The following GYS2 variants were observed in gnomAD, a reference collection of about 807,000 sequenced individuals.
The protein encoded by GYS2 is glycogen synthase 2.
In GYS2, 80 loss-of-function variants were observed where a neutral mutation model predicts 85.6. The observed-to-expected ratio is 0.93, with a 90% CI of 0.78 to 1.13. The LOEUF is 1.13. Among genes scored for constraint, GYS2 ranks in the 50% most tolerant of loss-of-function variants. The probability of loss-of-function intolerance (pLI) is 0.00; values close to 1 mark genes in which losing one functional copy is unlikely to be tolerated. For missense variants in GYS2, 881 were observed against 854.9 expected (o/e 1.03, Z -0.38); for synonymous variants, 328 against 300.7 (o/e 1.09, Z -0.94).
intron 1 of GYS2, among the ~76,000 whole-genome samples, chr12:21,583,631 T>C (rs986720103): frequency 7.2e-5 from 11 of 152,204 alleles, no homozygotes; most frequent in Non-Finnish European, 1.5e-4. Context: ...CTCTAGGATT[T>C]TGGAGCAAGG....
chr12:21,570,333 T>C (rs1944371319), intron 4 of GYS2, among the ~76,000 whole-genome samples: 1 of 152,162 alleles, frequency 6.6e-6, no homozygotes, highest in South Asian at 2.1e-4. Context: ...TTAAGAAACT[T>C]ATAAATTAAT....
intron 10 of GYS2, 57 bp downstream of exon 10, chr12:21,559,034 C>T (rs1267840835): frequency 1.0e-6 from 1 of 992,704 alleles, no homozygotes; most frequent in Non-Finnish European, 1.6e-6. Flanking sequence ...AATTAAAATA[C>T]TGATTAGATA....
intron 13 of GYS2, among the ~76,000 whole-genome samples, chr12:21,541,974 C>G (rs1291932121): frequency 1.3e-5 from 2 of 152,080 alleles, no homozygotes; most frequent in African/African-American, 4.8e-5. Flanking sequence ...TATCTGTTCC[C>G]GCATTAATTC....
chr12:21,564,323 G>A (rs7398745), intron 5 of GYS2, among the ~76,000 whole-genome samples: 26,580 of 152,028 alleles, frequency 0.17, 2,898 homozygotes, highest in East Asian at 0.28. Context: ...CCCAGCTACT[G>A]GGGAGGCTGA....
chr12:21,539,140 T>G lies in GYS2; in HGVS notation c.1890+118A>C. On this transcript the variant is annotated intron_variant, in intron 15 of 15. Coordinates refer to ENST00000261195, the MANE Select transcript of GYS2 (RefSeq NM_021957.4). ...TTCCTCTCTCTCTCCTTTGGTTTGA[T>G]TCAACATTATGAAAAAGTATCATAG... 5.8e-6 allele frequency: 4 copies of G among 690,336 alleles called. 1 individual carries two copies. In the South Asian group the frequency reaches 6.8e-5, roughly 12 times the overall value. The allele number at this position is 690,336 out of a possible 1,614,324, so 42.8% of individuals were successfully genotyped here.
At chr12:21,580,636 C>T (rs576263981) in intron 1 of GYS2, 113 bp from the exon 2 acceptor site, 1 of 814,970 alleles carries the variant, frequency 1.2e-6, no homozygotes, top group South Asian at 1.4e-5. Context: ...CCACTAAGCC[C>T]AAGGATTTAT....
At chr12:21,565,636 A>T (rs1403144885) in intron 5 of GYS2, among the ~76,000 whole-genome samples, 1 of 150,870 alleles carries the variant, frequency 6.6e-6, no homozygotes, top group African/African-American at 2.4e-5. Flanking sequence ...ATATAAATAC[A>T]TGTATTATTA....
intron 1 of GYS2, among the ~76,000 whole-genome samples, chr12:21,584,406 G>A (rs1944550264): frequency 1.8e-5 from 1 of 55,080 alleles, no homozygotes; most frequent in Admixed American, 1.4e-4. Context: ...AGCAGAAGAG[G>A]ATTTTAATAA....
chr12:21,564,049 A>C (rs1248226864), intron 5 of GYS2, among the ~76,000 whole-genome samples: 1 of 152,224 alleles, frequency 6.6e-6, no homozygotes, highest in Non-Finnish European at 1.5e-5. Flanking sequence ...CTTGGTTTTC[A>C]AAACATTGGT....
intron 7 of GYS2, among the ~76,000 whole-genome samples, chr12:21,560,709 C>G (rs563985029): frequency 6.6e-6 from 1 of 152,232 alleles, no homozygotes; most frequent in East Asian, 1.9e-4. Flanking sequence ...TCTGTACTTG[C>G]CAATAAACAA....
At chr12:21,566,791 C>T (rs752526118) in intron 5 of GYS2, among the ~76,000 whole-genome samples, 11 of 152,138 alleles carry the variant, frequency 7.2e-5, no homozygotes, top group Non-Finnish European at 1.6e-4. Flanking sequence ...GTAACGTATA[C>T]TCAACATAAA....
chr12:21,559,579 T>C (rs1944226130), intron 9 of GYS2, 72 bp downstream of exon 9: 1 of 848,922 alleles, frequency 1.2e-6, no homozygotes, highest in South Asian at 1.4e-5. Context: ...TAATAAGTTA[T>C]GATGTCTAAA....
At chr12:21,557,579 C>T (rs1239650650) in intron 11 of GYS2, among the ~76,000 whole-genome samples, 1 of 152,146 alleles carries the variant, frequency 6.6e-6, no homozygotes, top group Non-Finnish European at 1.5e-5. Context: ...TCAAATAATT[C>T]TTAGAATAAT....
At chr12:21,604,111 C>T (rs2136941683) in intron 1 of GYS2, among the ~76,000 whole-genome samples, 1 of 151,936 alleles carries the variant, frequency 6.6e-6, no homozygotes, top group Non-Finnish European at 1.5e-5. Context: ...ATACATCTTC[C>T]TAAAATAAAA....
At chr12:21,562,779 G>A (rs1202844654) in intron 7 of GYS2, 139 bp downstream of exon 7, 4 of 773,010 alleles carry the variant, frequency 5.2e-6, no homozygotes, top group Non-Finnish European at 6.3e-6. Flanking sequence ...TATGTAAATT[G>A]AAAGGCTGAA....
chr12:21,550,459 C>T (rs1944094394), intron 11 of GYS2, among the ~76,000 whole-genome samples: 2 of 152,142 alleles, frequency 1.3e-5, no homozygotes, highest in Admixed American at 6.5e-5. Flanking sequence ...CCTCCTCTCT[C>T]CATTCTGGCT....
At position 21,568,938 on chromosome 12, in the gene GYS2, A is replaced by G. The variant is rs200713752; in HGVS notation, c.750T>C (p.His250=). 51 of 1,613,286 alleles carry G rather than the reference A, an allele frequency of 3.2e-5. No homozygotes were observed. The highest frequency in any genetic ancestry group is 3.3e-4 in the Middle Eastern group (2 of 6,082). The change falls in exon 5 of 16, where the codon CAT becomes CAC. Residue 250 remains histidine, a synonymous_variant. Transcript: ENST00000261195. ...AAACCGTGGTGAACACGTGAGCGCA[A>G]TGAACGGAAGCTCGCTCCATGCAGT... ...HRYCMERASV[H]CAHVFTTVSE... is the part of the protein sequence containing the mutation.
intron 11 of GYS2, 119 bp downstream of exon 11, chr12:21,558,081 C>A: frequency 1.4e-6 from 1 of 717,236 alleles, no homozygotes; most frequent in Non-Finnish European, 2.5e-6. Context: ...AACCCATTTT[C>A]CTTTAAAATA....
At chr12:21,591,136 G>A (rs1297166847) in intron 1 of GYS2, among the ~76,000 whole-genome samples, 1 of 151,774 alleles carries the variant, frequency 6.6e-6, no homozygotes, top group Admixed American at 6.6e-5. Flanking sequence ...ACATAAGCCA[G>A]TGGAAAAAAA....
Sources: gnomAD v4.1 joint callset for allele counts (sites outside exome capture counted in the v4.1 genomes callset) on GRCh38, gnomAD v4.1.1 for gene constraint, MANE v1.5 for transcripts, NCBI Gene and HGNC (gene_info 2026-07-23, HGNC 2026-07-21) for gene names.